The following OR8G1 variants were observed in gnomAD, a reference collection of about 807,000 sequenced individuals.
The protein encoded by OR8G1 is olfactory receptor 8G1.
For synonymous variants in OR8G1, 129 were observed against 133.3 expected (o/e 0.97, Z 0.22); for missense variants, 372 against 356.2 (o/e 1.04, Z -0.36).
chr11:124,249,964 T>G lies in OR8G1; in HGVS notation c.289T>G (p.Cys97Gly), dbSNP rs1301188062. 1.9e-6 allele frequency: 3 copies of G among 1,613,988 alleles called. No homozygotes were observed. The stretch of plus-strand genomic sequence containing the variant: ...GAAGAACATCATCTCCTACCCTGAA[T>G]GCATGACTCAGCTCTACTTCTTCCT... ...TEKNIISYPE[C>G]MTQLYFFLVF... The change falls in exon 3 of 3, where the codon TGC becomes GGC. Residue 97 changes from cysteine to glycine, a missense_variant. Physicochemically the swap from Cys to Gly is radical, Grantham distance 159. Transcript: ENST00000641972.
rs116771431 is a variant in OR8G1 at position 124,253,130 on chromosome 11, A to T, written c.*2519A>T. The T allele has an allele frequency of 6.6e-6, 1 of 152,142 alleles. No individual in the cohort carries two copies. The highest frequency in any genetic ancestry group is 2.4e-5 in the African/African-American group (1 of 41,448). The allele number at this position is 152,142 out of a possible 1,614,324, so 9.4% of individuals were successfully genotyped here. A position where few individuals can be genotyped will look rare whatever the true frequency, so the allele number is the denominator to read the frequency against. Reference sequence around the variant, plus strand: ...ATAATTTAAAGTCCGTTAGAAAACTATTTATGTTTGCTGAGTGCAGTGGCT... The same window carrying T: ...ATAATTTAAAGTCCGTTAGAAAACTTTTTATGTTTGCTGAGTGCAGTGGCT... On this transcript the variant is annotated 3_prime_UTR_variant, in exon 3 of 3. Transcript: ENST00000641972.
At position 124,253,166 on chromosome 11, in the gene OR8G1, G is replaced by A. The variant is rs2466712; in HGVS notation, c.*2555G>A. The stretch of plus-strand genomic sequence containing the variant: ...CTGAGTGCAGTGGCTCATGCCTGTA[G>A]TCCCAGCACTTTGGGGAGCTGAGGT... On this transcript the variant is annotated 3_prime_UTR_variant, in exon 3 of 3. Transcript: ENST00000641972. The A allele has an allele frequency of 0.51, 77,735 of 152,026 alleles. 20,517 individuals carry two copies. Among genetic ancestry groups the A allele is most frequent in the South Asian group, 0.7 (3,374 of 4,824 alleles). 9.4% of individuals were successfully genotyped at this position (152,026 alleles called of 1,614,324 possible). A position where few individuals can be genotyped will look rare whatever the true frequency, so the allele number is the denominator to read the frequency against.
intron 1 of OR8G1, among the ~76,000 whole-genome samples, chr11:124,243,501 A>G (rs1290150477): frequency 6.6e-6 from 1 of 152,008 alleles, no homozygotes; most frequent in Non-Finnish European, 1.5e-5. Flanking sequence ...AATAATTGAC[A>G]CATCATCCCT....
At chr11:124,243,649 C>G (rs1260277423) in intron 1 of OR8G1, among the ~76,000 whole-genome samples, 2 of 151,956 alleles carry the variant, frequency 1.3e-5, no homozygotes, top group African/African-American at 4.8e-5. Context: ...TTTATTTTAT[C>G]TGTACATTAA....
At chr11:124,243,002 C>G (rs1174447516) in intron 1 of OR8G1, among the ~76,000 whole-genome samples, 1 of 151,842 alleles carries the variant, frequency 6.6e-6, no homozygotes, top group Non-Finnish European at 1.5e-5. Context: ...GTATAACTCA[C>G]AAAAAGAAAG....
intron 1 of OR8G1, among the ~76,000 whole-genome samples, chr11:124,241,894 G>C (rs1280955325): frequency 3.3e-5 from 5 of 151,970 alleles, no homozygotes; most frequent in African/African-American, 1.2e-4. Flanking sequence ...ATGAATCTGT[G>C]TACTTTATCC....
In OR8G1 at chr11:124,250,767, A is replaced by G. The variant is rs1307250279; in HGVS notation, c.*156A>G. The G allele has an allele frequency of 1.7e-5, 6 of 345,762 alleles. 2 individuals carry two copies. The highest frequency in any genetic ancestry group is 1.7e-4 in the East Asian group (4 of 23,698). The allele number at this position is 345,762 out of a possible 1,614,324, so 21.4% of individuals were successfully genotyped here. On this transcript the variant is annotated 3_prime_UTR_variant, in exon 3 of 3. Coordinates refer to ENST00000641972, the MANE Select transcript of OR8G1 (RefSeq NM_001002905.2). ...TTTCATTTCATGACCCTTTGATGTC[A>G]TTTCCCATGTGGGGTTTTAACTCAT...
rs1207660992 is a variant in OR8G1, at chr11:124,252,558, G to C, written c.*1947G>C. On this transcript the variant is annotated 3_prime_UTR_variant, in exon 3 of 3. Coordinates refer to ENST00000641972, the MANE Select transcript of OR8G1 (RefSeq NM_001002905.2). ...TTATGATCATTTGAACGTCTACTCT[G>C]TACATTTCCCTTGCTTCAATGGACT... 1 of 152,038 alleles carries C rather than the reference G, an allele frequency of 6.6e-6. No homozygotes were observed. Among genetic ancestry groups the C allele is most frequent in the Non-Finnish European group, 1.5e-5 (1 of 68,020 alleles). 9.4% of individuals were successfully genotyped at this position (152,038 alleles called of 1,614,324 possible).
In OR8G1 at chr11:124,252,113, AGGACTATTTCCCG is replaced by A. The variant is rs1861871734; in HGVS notation, c.*1506_*1518del. On this transcript the variant is annotated 3_prime_UTR_variant, in exon 3 of 3. Transcript: ENST00000641972. ...GTAGGTGAATGAGCCATAGGTTAAT[AGGACTATTTCCCG>A]GGAACTCTAAAAACATGGCATGTAT... 6.6e-6 allele frequency: 1 copy of A among 152,070 alleles called. No individual in the cohort carries two copies. Among genetic ancestry groups the A allele is most frequent in the Non-Finnish European group, 1.5e-5 (1 of 68,016 alleles). The allele number at this position is 152,070 out of a possible 1,614,324, so 9.4% of individuals were successfully genotyped here. A position where few individuals can be genotyped will look rare whatever the true frequency, so the allele number is the denominator to read the frequency against.
intron 1 of OR8G1, among the ~76,000 whole-genome samples, chr11:124,244,215 T>C (rs1049836191): frequency 5.3e-5 from 8 of 151,896 alleles, no homozygotes; most frequent in African/African-American, 1.9e-4. Context: ...ACAAAATGTT[T>C]ACTGGAACTA....
rs766900394 is a variant in OR8G1, at chr11:124,253,784, C to A, written c.*3173C>A. On this transcript the variant is annotated 3_prime_UTR_variant, in exon 3 of 3. Coordinates refer to ENST00000641972, the MANE Select transcript of OR8G1 (RefSeq NM_001002905.2). ...TCTGTGAGTTCAGCATTTTTAGATTCCACATGTATGTGAGATCATGTAGTA... is the reference window on the plus strand; with the variant it reads ...TCTGTGAGTTCAGCATTTTTAGATTACACATGTATGTGAGATCATGTAGTA... The A allele has an allele frequency of 2.6e-5, 4 of 152,142 alleles. No individual in the cohort carries two copies. The highest frequency in any genetic ancestry group is 5.9e-5 in the Non-Finnish European group (4 of 68,020). The allele number at this position is 152,142 out of a possible 1,614,324, so 9.4% of individuals were successfully genotyped here.
At position 124,249,813 on chromosome 11, in the gene OR8G1, C is replaced by G. The variant is rs138496920; in HGVS notation, c.138C>G (p.Thr46=). 2.4e-3 allele frequency: 3,824 copies of G among 1,613,978 alleles called. 78 individuals are homozygous for G. In the African/African-American group the frequency reaches 0.045, roughly 19 times the overall value. The part of the protein sequence containing the change: ...VVTVVGNLGM[T]TLIWLSSHLH... ...CAGTGGTGGGCAACCTGGGCATGACCACACTGATTTGGCTCAGTTCTCACC... is the reference window on the plus strand; with the variant it reads ...CAGTGGTGGGCAACCTGGGCATGACGACACTGATTTGGCTCAGTTCTCACC... Residue 46 remains threonine, a synonymous_variant, in exon 3 of 3, where the codon ACC becomes ACG. Transcript: ENST00000641972.
At chr11:124,244,857 G>C (rs2137746128) in intron 1 of OR8G1, among the ~76,000 whole-genome samples, 1 of 151,944 alleles carries the variant, frequency 6.6e-6, no homozygotes, top group South Asian at 2.1e-4. Context: ...TGCTTTGTTG[G>C]TGTCTTAACA....
rs1565317302 is a variant in OR8G1 at position 124,252,921 on chromosome 11, A to C, written c.*2310A>C. 4 of 152,168 alleles carry C rather than the reference A, an allele frequency of 2.6e-5. No homozygotes were observed. The allele number at this position is 152,168 out of a possible 1,614,324, so 9.4% of individuals were successfully genotyped here. On this transcript the variant is annotated 3_prime_UTR_variant, in exon 3 of 3. Coordinates refer to ENST00000641972, the MANE Select transcript of OR8G1 (RefSeq NM_001002905.2). Reference sequence around the variant, plus strand: ...GTGTGTAATGCCACATCATCCTGTCACACAGGACAGCCATCTTGGGAAACA... The same window carrying C: ...GTGTGTAATGCCACATCATCCTGTCCCACAGGACAGCCATCTTGGGAAACA...
chr11:124,244,807 A>G (rs1861796671), intron 1 of OR8G1, among the ~76,000 whole-genome samples: 1 of 151,918 alleles, frequency 6.6e-6, no homozygotes, highest in South Asian at 2.1e-4. Context: ...TTTTTCATAA[A>G]TCTAAAGAGA....
intron 1 of OR8G1, among the ~76,000 whole-genome samples, chr11:124,247,507 C>G (rs1861823301): frequency 6.6e-6 from 1 of 151,606 alleles, no homozygotes; most frequent in Non-Finnish European, 1.5e-5. Context: ...AAATTCAATC[C>G]ATTACTAAAA....
intron 2 of OR8G1, among the ~76,000 whole-genome samples, chr11:124,249,354 G>C (rs1861840985): frequency 6.6e-6 from 1 of 151,816 alleles, no homozygotes; most frequent in Non-Finnish European, 1.5e-5. Flanking sequence ...ATTTATATTG[G>C]CTTATATTAA....
In OR8G1 at chr11:124,252,848, A is replaced by G. The variant is rs1355269517; in HGVS notation, c.*2237A>G. On this transcript the variant is annotated 3_prime_UTR_variant, in exon 3 of 3. Coordinates refer to ENST00000641972, the MANE Select transcript of OR8G1 (RefSeq NM_001002905.2). ...ATTTGGCTTATGTACAGTCAGCTCA[A>G]AGAATTCTTGCTCTTGGGGTCACCT... 1 of 152,276 alleles carries G rather than the reference A, an allele frequency of 6.6e-6. No individual in the cohort carries two copies. The highest frequency in any genetic ancestry group is 1.9e-4 in the East Asian group (1 of 5,164). 9.4% of individuals were successfully genotyped at this position (152,276 alleles called of 1,614,324 possible).
chr11:124,248,807 T>C (rs575162774), intron 2 of OR8G1, among the ~76,000 whole-genome samples: 7 of 137,834 alleles, frequency 5.1e-5, no homozygotes, highest in African/African-American at 1.7e-4. Flanking sequence ...TATTTTCCAA[T>C]TGACAGGATA....
Sources: allele counts gnomAD v4.1 joint callset (sites outside exome capture counted in the v4.1 genomes callset), GRCh38; gene constraint gnomAD v4.1.1; transcripts MANE v1.5; gene names NCBI Gene and HGNC (gene_info 2026-07-23, HGNC 2026-07-21).